The following FARP2 variants were observed in gnomAD, a reference collection of about 807,000 sequenced individuals.
FARP2 encodes the protein FERM, ARHGEF and pleckstrin domain-containing protein 2.
A neutral mutation model predicts 130.5 loss-of-function variants in FARP2; 111 were observed. The observed-to-expected ratio is 0.85, with a 90% CI of 0.73 to 1.00. The LOEUF is 1.00. Among genes scored for constraint, FARP2 ranks in the 50% least tolerant of loss-of-function variants. FARP2 has a pLI of 0.00. For missense variants in FARP2, 1,385 were observed against 1,346.3 expected, an observed-to-expected ratio of 1.03 and a Z score of -0.45; for synonymous variants, 504 against 516.9, an observed-to-expected ratio of 0.98 and a Z score of 0.34.
chr2:241,438,978 G>T (rs1215904211), intron 12 of FARP2, among the ~76,000 whole-genome samples: 2 of 151,822 alleles, frequency 1.3e-5, no homozygotes, highest in Non-Finnish European at 2.9e-5. Context: ...TAATTCAATT[G>T]AAATTAAAGG....
At chr2:241,431,596 A>G in intron 8 of FARP2, 83 bp from the exon 9 acceptor site, 1 of 732,394 alleles carries the variant, frequency 1.4e-6, no homozygotes, top group Non-Finnish European at 2.4e-6. Flanking sequence ...GTTGGCAAGG[A>G]TGTAATTTAA....
chr2:241,386,215 TCCAAGTGCCCCA>T (rs1232220672), intron 2 of FARP2, among the ~76,000 whole-genome samples: 1 of 151,970 alleles, frequency 6.6e-6, no homozygotes, highest in African/African-American at 2.4e-5. Flanking sequence ...ATCTCAGCCT[TCCAAGTGCCCCA>T]CCACACCCAG....
intron 2 of FARP2, among the ~76,000 whole-genome samples, chr2:241,382,947 A>G (rs2061696320): frequency 6.6e-6 from 1 of 152,224 alleles, no homozygotes; most frequent in Non-Finnish European, 1.5e-5. Flanking sequence ...AGTTGGGAAG[A>G]TACTGAATAC....
intron 2 of FARP2, among the ~76,000 whole-genome samples, chr2:241,397,226 C>G (rs995555386): frequency 6.6e-6 from 1 of 152,078 alleles, no homozygotes. Flanking sequence ...GGAGATATAC[C>G]TAGTGCTAAA....
Position 241,482,990 on chromosome 2 carries a change from G to A in FARP2, c.2263-475G>A, listed in dbSNP as rs2012385. Among the ~76,000 whole-genome samples, 80,330 of 133,676 alleles carry A rather than the reference G, an allele frequency of 0.6. 22,190 individuals carry two copies. The highest frequency in any genetic ancestry group is 0.84 in the East Asian group (4,097 of 4,902). The allele number at this position is 133,676 out of a possible 152,430, so 87.7% of individuals were successfully genotyped here. A position where few individuals can be genotyped will look rare whatever the true frequency, so the allele number is the denominator to read the frequency against. On this transcript the variant is annotated intron_variant, in intron 19 of 26. Coordinates refer to ENST00000264042, the MANE Select transcript of FARP2 (RefSeq NM_014808.4). The surrounding 1 kb of genome is among the most constrained non-coding windows in gnomAD (Gnocchi z 4.6). ...GCTCTTGGTGCTAATTTGAATACTCGGGAGAACCCTCCTTTCCTCCTCCCA... is the reference window on the plus strand; with the variant it reads ...GCTCTTGGTGCTAATTTGAATACTCAGGAGAACCCTCCTTTCCTCCTCCCA...
intron 2 of FARP2, among the ~76,000 whole-genome samples, chr2:241,393,722 A>C (rs1489393508): frequency 6.6e-6 from 1 of 152,236 alleles, no homozygotes; most frequent in African/African-American, 2.4e-5. Flanking sequence ...GCTTAAGACA[A>C]AGAATAAAGA....
chr2:241,382,829 A>G (rs575774894), intron 2 of FARP2, among the ~76,000 whole-genome samples: 65 of 152,206 alleles, frequency 4.3e-4, no homozygotes, highest in Non-Finnish European at 6.9e-4. Context: ...GGCAAAAGTT[A>G]GGATTTTTAT....
Position 241,491,565 on chromosome 2 carries a change from G to A in FARP2, c.2673G>A (p.Arg891=). 1 of 1,613,794 alleles carries A rather than the reference G, an allele frequency of 6.2e-7. No individual in the cohort carries two copies. Among genetic ancestry groups the A allele is most frequent in the Non-Finnish European group, 8.5e-7 (1 of 1,179,968 alleles). The stretch of plus-strand genomic sequence containing the variant: ...AGCAGGAGTCAGAAGATGATGCTCG[G>A]GGTGTCCGCAGCTCCCTGGAGGGGC... ...SLEQESEDDA[R]GVRSSLEGHG... The change falls in exon 24 of 27, where the codon CGG becomes CGA. Residue 891 remains arginine (R), a synonymous_variant. Coordinates refer to ENST00000264042, the MANE Select transcript of FARP2 (RefSeq NM_014808.4).
chr2:241,382,331 G>A (rs1026441536), intron 2 of FARP2, among the ~76,000 whole-genome samples: 1 of 101,616 alleles, frequency 9.8e-6, no homozygotes, highest in African/African-American at 3.9e-5. Flanking sequence ...GTCTCATTCT[G>A]TTGCCCAGGC....
At chr2:241,365,524 AG>A (rs1246573681) in intron 1 of FARP2, among the ~76,000 whole-genome samples, 1 of 152,230 alleles carries the variant, frequency 6.6e-6, no homozygotes, top group Non-Finnish European at 1.5e-5. Context: ...TCCTATATAT[AG>A]CATTTGATAA....
chr2:241,417,022 C>T lies in FARP2; in HGVS notation c.624-940C>T, dbSNP rs181341429. On this transcript the variant is annotated intron_variant, in intron 7 of 26. Transcript: ENST00000264042. ...TTTTTTAAGATGAAAAGGAGATGGC[C>T]GGGCGCAGTGGCTCTCGCCTGTAAT... is the stretch of plus-strand genomic sequence containing the variant. Among the ~76,000 whole-genome samples, 580 of 152,168 alleles carry T rather than the reference C, an allele frequency of 3.8e-3. 4 individuals are homozygous for T. The highest frequency in any genetic ancestry group is 0.013 in the African/African-American group (549 of 41,522).
Position 241,456,734 on chromosome 2 carries a change from C to G in FARP2, c.1412-13C>G. 2 of 1,614,006 alleles carry G rather than the reference C, an allele frequency of 1.2e-6. No individual in the cohort carries two copies. The highest frequency in any genetic ancestry group is 1.7e-6 in the Non-Finnish European group (2 of 1,179,898). On this transcript the variant is annotated splice_polypyrimidine_tract_variant and intron_variant, in intron 13 of 26. Transcript: ENST00000264042. The stretch of plus-strand genomic sequence containing the variant: ...TCATTTCTCGCTCCATCCCCCTCCC[C>G]GTTCATTTCCAGGCCTTTCCACGAA...
chr2:241,465,808 C>G (rs1373871638), intron 17 of FARP2: 16 of 1,547,320 alleles, frequency 1.0e-5, no homozygotes, highest in Non-Finnish European at 1.4e-5. Flanking sequence ...CTACCCAATC[C>G]TGCGAGACTC....
At chr2:241,380,301 A>G (rs1216373877) in intron 2 of FARP2, among the ~76,000 whole-genome samples, 1 of 152,166 alleles carries the variant, frequency 6.6e-6, no homozygotes, top group Non-Finnish European at 1.5e-5. Context: ...CCCAATGTTG[A>G]TCACATATCA....
In FARP2 at chr2:241,441,445, G is replaced by A; in HGVS notation, c.1300G>A (p.Val434Ile). 1 of 1,614,174 alleles carries A rather than the reference G, an allele frequency of 6.2e-7. No individual in the cohort carries two copies. Among genetic ancestry groups the A allele is most frequent in the South Asian group, 1.1e-5 (1 of 91,086 alleles). The change falls in exon 13 of 27, where the codon GTT becomes ATT. Residue 434 changes from valine (V) to isoleucine (I), a missense_variant. Transcript: ENST00000264042. ...DSSSSLTDPQ[V>I]SYVKSPAAER... is the part of the protein sequence containing the mutation. ...CAGCAGCTCCCTCACAGATCCCCAGGTTTCCTACGTCAAGAGTCCAGCTGC... is the reference window on the plus strand; with the variant it reads ...CAGCAGCTCCCTCACAGATCCCCAGATTTCCTACGTCAAGAGTCCAGCTGC...
intron 19 of FARP2, chr2:241,478,823 TG>T (rs1382290396): frequency 2.6e-6 from 1 of 390,784 alleles, no homozygotes; most frequent in Non-Finnish European, 5.0e-6. Context: ...GTCCGACAGC[TG>T]GAAGTTTGAA....
chr2:241,375,432 G>A (rs1367367882), intron 2 of FARP2, among the ~76,000 whole-genome samples: 1 of 151,864 alleles, frequency 6.6e-6, no homozygotes. Flanking sequence ...CTGCCTACTG[G>A]ACTTTATCAA....
chr2:241,419,489 A>G (rs1008203956), intron 8 of FARP2, among the ~76,000 whole-genome samples: 1 of 152,262 alleles, frequency 6.6e-6, no homozygotes, highest in African/African-American at 2.4e-5. Flanking sequence ...ATTTATTTTT[A>G]TTCCCTCAAA....
At position 241,494,269 on chromosome 2, in the gene FARP2, T is replaced by G. The variant is rs2065043248; in HGVS notation, c.*144T>G. 4.5e-6 allele frequency: 2 copies of G among 444,042 alleles called. No individual in the cohort carries two copies. Among genetic ancestry groups the G allele is most frequent in the South Asian group, 9.4e-5 (1 of 10,670 alleles). The allele number at this position is 444,042 out of a possible 1,614,324, so 27.5% of individuals were successfully genotyped here. A position where few individuals can be genotyped will look rare whatever the true frequency, so the allele number is the denominator to read the frequency against. ...GCACCAGCAGTGTGGGTGGGCCTCA[T>G]GTAACATCTGGGAGGGGCTTCATCC... On this transcript the variant is annotated 3_prime_UTR_variant, in exon 27 of 27. Coordinates refer to ENST00000264042, the MANE Select transcript of FARP2 (RefSeq NM_014808.4). This position sits in a 1 kb window ranked among gnomAD's most constrained non-coding sequence, Gnocchi z 4.9.
Sources: gnomAD v4.1 joint callset for allele counts (sites outside exome capture counted in the v4.1 genomes callset) on GRCh38, gnomAD v4.1.1 for gene constraint, Gnocchi (gnomAD v3.1) non-coding constraint, MANE v1.5 for transcripts, NCBI Gene and HGNC (gene_info 2026-07-23, HGNC 2026-07-21) for gene names.